LRRTM4: variants seen among roughly 807,000 people sequenced by gnomAD.
LRRTM4 encodes leucine-rich repeat transmembrane neuronal protein 4.
LRRTM4 carries 25 observed loss-of-function variants against 47.6 expected under a neutral mutation model. That is an observed-to-expected ratio of 0.53 (90% CI 0.38 to 0.73). The LOEUF (loss-of-function observed/expected upper bound fraction) is 0.73, where lower values mean the gene tolerates loss of function less well. LRRTM4 is among the 30% of genes least tolerant of loss of function. The probability of loss-of-function intolerance (pLI) is 0.00; values close to 1 mark genes in which losing one functional copy is unlikely to be tolerated. For missense variants in LRRTM4, 638 were observed against 713.4 expected, an observed-to-expected ratio of 0.89 and a Z score of 1.20; for synonymous variants, 311 against 269.5, an observed-to-expected ratio of 1.15 and a Z score of -1.51.
At chr2:76,836,460 T>A (rs974662490) in intron 3 of LRRTM4, among the ~76,000 whole-genome samples, 1 of 151,970 alleles carries the variant, frequency 6.6e-6, no homozygotes, top group Admixed American at 6.6e-5. Flanking sequence ...CACTTTCCTG[T>A]GTTATTTCTC....
intron 3 of LRRTM4, among the ~76,000 whole-genome samples, chr2:76,971,292 G>A (rs1401687862): frequency 6.6e-6 from 1 of 151,870 alleles, no homozygotes; most frequent in East Asian, 1.9e-4. Context: ...ATGTGTTGGA[G>A]CCCTAGGATA....
chr2:76,788,851 A>G (rs1252546583), intron 3 of LRRTM4, among the ~76,000 whole-genome samples: 1 of 150,084 alleles, frequency 6.7e-6, no homozygotes. Context: ...ATAATGATAA[A>G]TGTTTTTGTG....
At chr2:77,134,660 C>T (rs962072432) in intron 3 of LRRTM4, among the ~76,000 whole-genome samples, 2 of 152,068 alleles carry the variant, frequency 1.3e-5, no homozygotes, top group African/African-American at 4.8e-5. Flanking sequence ...TTAGTTCTTA[C>T]TTTCCTGTCT....
chr2:77,370,765 G>A (rs915244264), intron 3 of LRRTM4, among the ~76,000 whole-genome samples: 6 of 151,612 alleles, frequency 4.0e-5, no homozygotes, highest in East Asian at 1.9e-4. Flanking sequence ...TGCTCTTGTC[G>A]TGTCAGAGGA....
Position 77,158,241 on chromosome 2 carries a change from T to G in LRRTM4, c.1551+360077A>C, listed in dbSNP as rs56080830. On this transcript the variant is annotated intron_variant, in intron 3 of 3. Transcript: ENST00000409884. ...TATGTCTGTTCTGTGTGCTTTCCTT[T>G]TGTCTTATTTTACAATAAAAATGTC... Among the ~76,000 whole-genome samples, 1,135 of 152,286 alleles carry G rather than the reference T, an allele frequency of 7.5e-3. 20 individuals are homozygous for G. The highest frequency in any genetic ancestry group is 0.026 in the African/African-American group (1,073 of 41,558).
chr2:76,999,824 T>C (rs1466476663), intron 3 of LRRTM4, among the ~76,000 whole-genome samples: 1 of 152,138 alleles, frequency 6.6e-6, no homozygotes, highest in African/African-American at 2.4e-5. Context: ...TTTGAACAAT[T>C]ATATAATGTA....
At chr2:76,889,037 G>T (rs528943352) in intron 3 of LRRTM4, among the ~76,000 whole-genome samples, 1 of 151,902 alleles carries the variant, frequency 6.6e-6, no homozygotes, top group South Asian at 2.1e-4. Context: ...TTTAAACACT[G>T]AATTAGAATG....
At chr2:77,362,165 GA>G (rs1558707449) in intron 3 of LRRTM4, among the ~76,000 whole-genome samples, 5 of 151,462 alleles carry the variant, frequency 3.3e-5, no homozygotes, top group African/African-American at 9.8e-5. Context: ...AAGAAAGAAA[GA>G]AAGAAAGGAA....
At chr2:76,818,933 A>C (rs1670977417) in intron 3 of LRRTM4, among the ~76,000 whole-genome samples, 1 of 151,790 alleles carries the variant, frequency 6.6e-6, no homozygotes. Context: ...GTCAGTTTTA[A>C]TAGTTTTACT....
intron 3 of LRRTM4, among the ~76,000 whole-genome samples, chr2:76,801,512 TGTG>T (rs989514708): frequency 8.6e-5 from 13 of 151,886 alleles, no homozygotes; most frequent in African/African-American, 2.4e-4. Flanking sequence ...TGGGGACTGT[TGTG>T]GTGTGGGGGG....
At chr2:77,210,496 C>T (rs1483939159) in intron 3 of LRRTM4, among the ~76,000 whole-genome samples, 3 of 152,098 alleles carry the variant, frequency 2.0e-5, no homozygotes, top group East Asian at 3.9e-4. Context: ...ATAATGCACA[C>T]ATCATTTTGT....
chr2:77,294,462 G>T (rs1370700177), intron 3 of LRRTM4, among the ~76,000 whole-genome samples: 3 of 152,068 alleles, frequency 2.0e-5, no homozygotes, highest in Non-Finnish European at 4.4e-5. Flanking sequence ...ATTTAGAAAG[G>T]TCAATAAATT....
intron 3 of LRRTM4, among the ~76,000 whole-genome samples, chr2:77,292,670 G>A (rs1676859492): frequency 7.1e-6 from 1 of 140,450 alleles, no homozygotes; most frequent in Non-Finnish European, 1.5e-5. Flanking sequence ...ACACAGGAAG[G>A]GGAACATCAC....
At chr2:76,826,116 T>A (rs569670636) in intron 3 of LRRTM4, among the ~76,000 whole-genome samples, 1 of 151,836 alleles carries the variant, frequency 6.6e-6, no homozygotes, top group South Asian at 2.1e-4. Context: ...GAGCGAGTAT[T>A]TTCCATAAGA....
At chr2:76,859,669 T>G (rs1030098496) in intron 3 of LRRTM4, among the ~76,000 whole-genome samples, 2 of 152,170 alleles carry the variant, frequency 1.3e-5, no homozygotes, top group Non-Finnish European at 2.9e-5. Context: ...ATACTCCATG[T>G]ATTCTACCTT....
At chr2:76,866,495 TC>T (rs1672473010) in intron 3 of LRRTM4, among the ~76,000 whole-genome samples, 1 of 152,062 alleles carries the variant, frequency 6.6e-6, no homozygotes, top group Admixed American at 6.5e-5. Flanking sequence ...GATTGGCTCT[TC>T]ATTTTTTTTT....
chr2:76,979,952 G>A (rs906109803), intron 3 of LRRTM4, among the ~76,000 whole-genome samples: 1 of 151,884 alleles, frequency 6.6e-6, no homozygotes, highest in Admixed American at 6.6e-5. Flanking sequence ...CATCCAAATG[G>A]TTAACTTCAG....
At chr2:77,323,952 T>C (rs968757312) in intron 3 of LRRTM4, among the ~76,000 whole-genome samples, 6 of 152,108 alleles carry the variant, frequency 3.9e-5, no homozygotes, top group African/African-American at 9.7e-5. Flanking sequence ...AATAGAAAAT[T>C]ACCTATATAA....
chr2:77,078,278 T>G (rs1458324207), intron 3 of LRRTM4, among the ~76,000 whole-genome samples: 1 of 152,160 alleles, frequency 6.6e-6, no homozygotes, highest in Non-Finnish European at 1.5e-5. Flanking sequence ...TTAGTTTCTC[T>G]CGTTGCTATT....
Sources: gnomAD v4.1 joint callset for allele counts (sites outside exome capture counted in the v4.1 genomes callset) on GRCh38, gnomAD v4.1.1 for gene constraint, MANE v1.5 for transcripts, NCBI Gene and HGNC (gene_info 2026-07-23, HGNC 2026-07-21) for gene names.